Variants in HECW1 observed in about 807,000 individuals in gnomAD.
HECW1 encodes E3 ubiquitin-protein ligase HECW1.
A neutral mutation model predicts 182.3 loss-of-function variants in HECW1; 61 were observed. That is an observed-to-expected ratio of 0.33 (90% CI 0.27 to 0.41). The LOEUF (loss-of-function observed/expected upper bound fraction) is 0.41. Among genes scored for constraint, HECW1 ranks in the 10% least tolerant of loss-of-function variants. The pLI, the probability that HECW1 is intolerant of heterozygous loss-of-function variation, is 1.00. For synonymous variants in HECW1, 859 were observed against 832.6 expected (o/e 1.03, Z -0.55); for missense variants, 1,739 against 2,108.9 (o/e 0.82, Z 3.44).
intron 8 of HECW1, among the ~76,000 whole-genome samples, chr7:43,410,045 C>T (rs568955973): frequency 2.6e-4 from 40 of 152,282 alleles, no homozygotes; most frequent in Non-Finnish European, 4.9e-4. Context: ...CCCAGCTCTC[C>T]GGGCCTGCCA....
At chr7:43,390,537 TAAAAAAAAAAACA>T (rs1323946020) in intron 6 of HECW1, among the ~76,000 whole-genome samples, 2 of 111,228 alleles carry the variant, frequency 1.8e-5, no homozygotes, top group Admixed American at 9.3e-5. Flanking sequence ...AAGCAACTCT[TAAAAAAAAAAACA>T]AAAAAAAAAC....
intron 2 of HECW1, among the ~76,000 whole-genome samples, chr7:43,237,742 C>T (rs931923519): frequency 6.6e-6 from 1 of 152,146 alleles, no homozygotes; most frequent in Admixed American, 6.5e-5. Flanking sequence ...AATACCTCTC[C>T]AACTCCCTAA....
At chr7:43,185,824 A>G (rs1166697390) in intron 2 of HECW1, among the ~76,000 whole-genome samples, 1 of 152,196 alleles carries the variant, frequency 6.6e-6, no homozygotes, top group Non-Finnish European at 1.5e-5. Context: ...TTCCTTTAAT[A>G]TAATTTAATT....
At chr7:43,503,255 A>G (rs1196401682) in intron 21 of HECW1, among the ~76,000 whole-genome samples, 1 of 152,176 alleles carries the variant, frequency 6.6e-6, no homozygotes, top group African/African-American at 2.4e-5. Context: ...ACAGTCACAC[A>G]CTTTTAGCAC....
At chr7:43,349,018 G>A (rs1057471028) in intron 5 of HECW1, among the ~76,000 whole-genome samples, 8 of 147,882 alleles carry the variant, frequency 5.4e-5, no homozygotes, top group Admixed American at 4.0e-4. Context: ...TTTTTTCTTC[G>A]TTTTTGTTTT....
chr7:43,275,183 CA>C (rs1357050325), intron 3 of HECW1, among the ~76,000 whole-genome samples: 2 of 152,178 alleles, frequency 1.3e-5, no homozygotes, highest in South Asian at 4.1e-4. Context: ...AAAAATCCAA[CA>C]AAAAGTTTAC....
At chr7:43,149,240 A>C (rs1080174) in intron 2 of HECW1, among the ~76,000 whole-genome samples, 68,274 of 151,930 alleles carry the variant, frequency 0.45, 15,482 homozygotes, top group African/African-American at 0.46. Flanking sequence ...ATCACCAGTA[A>C]TAAAACATAT....
At position 43,444,280 on chromosome 7, in the gene HECW1, A is replaced by G. The variant is rs1239470837; in HGVS notation, c.1108A>G (p.Asn370Asp). The G allele has an allele frequency of 1.9e-6, 3 of 1,614,018 alleles. No individual in the cohort carries two copies. The African/African-American group carries it at 4.0e-5, about 22-fold the overall frequency. ...ESAQIQDSPM[N>D]NLMESGSGEP... ...AGCCCAAATTCAGGACAGCCCCATG[A>G]ACAACCTGATGGAAAGCGGCAGTGG... Residue 370 changes from asparagine to aspartate, a missense_variant, in exon 11 of 30, where the codon AAC becomes GAC. Asn to Asp is a conservative substitution (Grantham distance 23). This residue lies in a region of HECW1 where 66 missense variants were observed against 113.8 expected (regional missense o/e 0.58). Transcript: ENST00000395891. This position sits in a 1 kb window ranked among gnomAD's most constrained non-coding sequence, Gnocchi z 4.3.
intron 5 of HECW1, among the ~76,000 whole-genome samples, chr7:43,336,184 C>A (rs1307731272): frequency 7.3e-6 from 1 of 136,768 alleles, no homozygotes; most frequent in African/African-American, 2.8e-5. Context: ...CTCTCTCTCT[C>A]TCTCTCTCTC....
At chr7:43,527,626 C>T (rs1377155220) in intron 24 of HECW1, among the ~76,000 whole-genome samples, 2 of 152,172 alleles carry the variant, frequency 1.3e-5, no homozygotes, top group African/African-American at 4.8e-5. Flanking sequence ...ACATCACGTT[C>T]ACAGGTTCCA....
chr7:43,180,397 G>T (rs1792724875), intron 2 of HECW1, among the ~76,000 whole-genome samples: 2 of 151,292 alleles, frequency 1.3e-5, no homozygotes, highest in Admixed American at 6.6e-5. Context: ...TTTTTTATTT[G>T]TATTTTTATT....
At chr7:43,252,724 A>C (rs6973466) in intron 3 of HECW1, among the ~76,000 whole-genome samples, 19,053 of 152,296 alleles carry the variant, frequency 0.13, 2,530 homozygotes, top group African/African-American at 0.34. Flanking sequence ...AGGTAAATAT[A>C]ACTAGCAGTT....
At chr7:43,188,044 A>G (rs1341980890) in intron 2 of HECW1, among the ~76,000 whole-genome samples, 4 of 152,172 alleles carry the variant, frequency 2.6e-5, no homozygotes, top group African/African-American at 9.7e-5. Context: ...GCACAAACAT[A>G]ACAAATGTCC....
chr7:43,462,185 A>T (rs578000547), intron 13 of HECW1, among the ~76,000 whole-genome samples: 2 of 151,916 alleles, frequency 1.3e-5, no homozygotes, highest in East Asian at 3.9e-4. Flanking sequence ...CTTGTCTCTC[A>T]TCCTCCTCCT....
chr7:43,516,508 C>T (rs1248705366), intron 24 of HECW1, among the ~76,000 whole-genome samples: 1 of 152,222 alleles, frequency 6.6e-6, no homozygotes, highest in African/African-American at 2.4e-5. Context: ...CAACTATTCT[C>T]TCTGAAATCA....
chr7:43,492,180 G>A lies in HECW1; in HGVS notation c.3340G>A (p.Ala1114Thr), dbSNP rs1184034278. The change falls in exon 18 of 30, where the codon GCA becomes ACA. Residue 1114 changes from alanine (A) to threonine (T), a missense_variant and splice_region_variant. Physicochemically the swap from Ala to Thr is moderately conservative, Grantham distance 58. This residue lies in a region of HECW1 where 971 missense variants were observed against 1,029.1 expected (regional missense o/e 0.94). Transcript: ENST00000395891. The stretch of plus-strand genomic sequence containing the variant: ...ACATCAACATGAGTCATTGCCACTG[G>A]GTATGTATCATGCTTGTTTGAGCCC... Reference protein sequence around the residue: ...SQHQHESLPLAYNDKIVAFLR... With the variant: ...SQHQHESLPLTYNDKIVAFLR... 2 of 1,589,934 alleles carry A rather than the reference G, an allele frequency of 1.3e-6. No homozygotes were observed. Among genetic ancestry groups the A allele is most frequent in the African/African-American group, 1.4e-5 (1 of 73,400 alleles).
chr7:43,261,843 GTTTTGTT>G (rs1294867071), intron 3 of HECW1, among the ~76,000 whole-genome samples: 1 of 151,914 alleles, frequency 6.6e-6, no homozygotes, highest in African/African-American at 2.4e-5. Flanking sequence ...TTTTTGCTTT[GTTTTGTT>G]TTTTATTTTT....
intron 3 of HECW1, among the ~76,000 whole-genome samples, chr7:43,276,448 A>T (rs892631338): frequency 7.2e-5 from 10 of 139,366 alleles, no homozygotes; most frequent in African/African-American, 3.2e-4. Context: ...ACTACATTTT[A>T]AAAAATATAT....
intron 3 of HECW1, among the ~76,000 whole-genome samples, chr7:43,250,149 A>G (rs1465347787): frequency 7.0e-6 from 1 of 142,574 alleles, no homozygotes; most frequent in Non-Finnish European, 1.6e-5. Flanking sequence ...ACACACACAT[A>G]CACACACACA....
Sources: allele counts gnomAD v4.1 joint callset (sites outside exome capture counted in the v4.1 genomes callset), GRCh38; gene constraint gnomAD v4.1.1; regional missense constraint gnomAD v4.1.1; non-coding constraint Gnocchi (gnomAD v3.1); transcripts MANE v1.5; gene names NCBI Gene and HGNC (gene_info 2026-07-23, HGNC 2026-07-21).